Variants in PGM3 observed in about 807,000 individuals in gnomAD.
PGM3 encodes the protein phosphoacetylglucosamine mutase.
A neutral mutation model predicts 66.2 loss-of-function variants in PGM3; 40 were observed. The observed-to-expected ratio is 0.60, with a 90% confidence interval of 0.47 to 0.79. The LOEUF (loss-of-function observed/expected upper bound fraction) is 0.79, where lower values mean the gene tolerates loss of function less well. Among genes scored for constraint, PGM3 ranks in the 30% least tolerant of loss-of-function variants. The pLI, the probability that PGM3 is intolerant of heterozygous loss-of-function variation, is 0.00. For missense variants in PGM3, 537 were observed against 643.4 expected (o/e 0.83, Z 1.79); for synonymous variants, 191 against 224.2 (o/e 0.85, Z 1.32).
intron 10 of PGM3, 95 bp from the exon 11 acceptor site, chr6:83,172,154 G>A: frequency 8.1e-7 from 1 of 1,233,542 alleles, no homozygotes; most frequent in Non-Finnish European, 1.1e-6. Context: ...AGTACAGGTT[G>A]AACAACCTGA....
At chr6:83,152,200 T>C in the PGM3 span, 701 of 752,636 alleles carry the variant, frequency 9.3e-4, 5 homozygotes, top group Non-Finnish European at 9.9e-4. Context: ...TATATACATA[T>C]ATAAAAATAA....
At chr6:83,174,339 G>T (rs1360172649) in intron 10 of PGM3, 35 bp downstream of exon 10, 2 of 1,077,790 alleles carry the variant, frequency 1.9e-6, no homozygotes, top group African/African-American at 3.1e-5. Flanking sequence ...ATAATGTAAA[G>T]GTAACCAAGA....
chr6:83,176,631 A>C (rs112280198), intron 8 of PGM3, among the ~76,000 whole-genome samples: 6,217 of 152,314 alleles, frequency 0.041, 220 homozygotes, highest in African/African-American at 0.084. Context: ...CTGGATCAGC[A>C]ATAGTGAATA....
chr6:83,191,098 A>G, intron 1 of PGM3, 84 bp from the exon 2 acceptor site: 1 of 1,467,824 alleles, frequency 6.8e-7, no homozygotes, highest in African/African-American at 1.4e-5. Flanking sequence ...CCCCAAACGA[A>G]TAGGTCTGTC....
the PGM3 span, chr6:83,152,312 C>A: frequency 9.5e-5 from 150 of 1,573,410 alleles, no homozygotes; most frequent in Non-Finnish European, 1.2e-4. Context: ...GCAATGGAAA[C>A]CGCAAACATA....
At chr6:83,189,934 A>C (rs1232677655) in intron 2 of PGM3, among the ~76,000 whole-genome samples, 1 of 152,246 alleles carries the variant, frequency 6.6e-6, no homozygotes, top group East Asian at 1.9e-4. Flanking sequence ...TATGTAAAAA[A>C]GTGAAACTCA....
At chr6:83,149,104 T>C in the PGM3 span, among the ~76,000 whole-genome samples, 1 of 151,964 alleles carries the variant, frequency 6.6e-6, no homozygotes, top group East Asian at 1.9e-4. Flanking sequence ...AACATAAAAC[T>C]GTTACAACAG....
At chr6:83,169,405 T>C (rs1786588523) in intron 12 of PGM3, 82 bp from the exon 13 acceptor site, 3 of 1,520,280 alleles carry the variant, frequency 2.0e-6, no homozygotes, top group Admixed American at 1.9e-5. Context: ...CTTGGAACTC[T>C]GGGGAAGAGA....
intron 9 of PGM3, among the ~76,000 whole-genome samples, chr6:83,175,074 A>G (rs569687430): frequency 1.3e-5 from 2 of 152,342 alleles, no homozygotes; most frequent in South Asian, 2.1e-4. Flanking sequence ...GAGCAAGATT[A>G]GCATACTATG....
intron 1 of PGM3, among the ~76,000 whole-genome samples, chr6:83,192,593 G>A (rs1400881867): frequency 6.6e-6 from 1 of 151,994 alleles, no homozygotes; most frequent in Non-Finnish European, 1.5e-5. Context: ...ACAGTGATCA[G>A]ATCTCTTTCC....
In PGM3 at chr6:83,169,179, C is replaced by T; in HGVS notation, c.*55G>A. 1 of 1,603,856 alleles carries T rather than the reference C, an allele frequency of 6.2e-7. No homozygotes were observed. The highest frequency in any genetic ancestry group is 8.5e-7 in the Non-Finnish European group (1 of 1,174,288). On this transcript the variant is annotated 3_prime_UTR_variant, in exon 13 of 13. Transcript: ENST00000513973. ...CTCTTAGTACTGCCATTATTATTGACAGTTTTGTAAAGACTTGTAAAAAGT... is the reference window on the plus strand; with the variant it reads ...CTCTTAGTACTGCCATTATTATTGATAGTTTTGTAAAGACTTGTAAAAAGT...
At chr6:83,192,828 A>G (rs966336574) in intron 1 of PGM3, among the ~76,000 whole-genome samples, 9 of 152,022 alleles carry the variant, frequency 5.9e-5, no homozygotes, top group African/African-American at 1.9e-4. Context: ...TCCACGCAAA[A>G]AGTTAAGAGT....
chr6:83,162,875 C>A, downstream of PGM3: 3 of 1,613,288 alleles, frequency 1.9e-6, no homozygotes, highest in Non-Finnish European at 2.5e-6. Flanking sequence ...AGAATTTAAA[C>A]CTTACGTGGT....
At chr6:83,153,665 G>T in the PGM3 span, 1 of 1,451,300 alleles carries the variant, frequency 6.9e-7, no homozygotes. Context: ...TTCATAGCCT[G>T]TTAGAAACAA....
intron 10 of PGM3, 29 bp from the exon 11 acceptor site, chr6:83,172,088 C>T (rs1427898058): frequency 6.2e-7 from 1 of 1,611,372 alleles, no homozygotes. Flanking sequence ...ATGGAAGAAA[C>T]CACTTAACAC....
Position 83,168,064 on chromosome 6 carries a change from A to C in PGM3, c.*1170T>G. 1 of 1,614,230 alleles carries C rather than the reference A, an allele frequency of 6.2e-7. No homozygotes were observed. Among genetic ancestry groups the C allele is most frequent in the South Asian group, 1.1e-5 (1 of 91,092 alleles). ...CTCTACTCAAATGCCTTCCCTAATA[A>C]GGACATGAAACTGGAGAACCACAAA... On this transcript the variant is annotated 3_prime_UTR_variant, in exon 13 of 13. Coordinates refer to ENST00000513973, the MANE Select transcript of PGM3 (RefSeq NM_015599.3).
Position 83,182,940 on chromosome 6 carries a change from C to T in PGM3, c.496G>A (p.Val166Met). The stretch of plus-strand genomic sequence containing the variant: ...CGGCCACCCGTGTTTCGACAATACA[C>T]CATGTAGTGCAGCTGGGGTGTTGTT... Reference protein sequence around the residue: ...LLTTPQLHYMVYCRNTGGRYG... With the variant: ...LLTTPQLHYMMYCRNTGGRYG... The change falls in exon 5 of 13, where the codon GTG becomes ATG. Residue 166 changes from valine to methionine, a missense_variant. By Grantham distance (21) the Val-to-Met change is conservative. Coordinates refer to ENST00000513973, the MANE Select transcript of PGM3 (RefSeq NM_015599.3). 6.2e-7 allele frequency: 1 copy of T among 1,613,950 alleles called. No individual in the cohort carries two copies. The highest frequency in any genetic ancestry group is 2.2e-5 in the East Asian group (1 of 44,870).
chr6:83,188,748 T>C lies in PGM3; in HGVS notation c.255A>G (p.Pro85=). ...AACAGGTGGCATGTTCCTCCCAGGA[T>C]GGTGCCAACATTTCACCCAAAGGAT... The part of the protein sequence containing the change: ...LVDPLGEMLA[P]SWEEHATCLA... The change falls in exon 3 of 13, where the codon CCA becomes CCG. Residue 85 remains proline, a synonymous_variant. Transcript: ENST00000513973. 1 of 1,614,138 alleles carries C rather than the reference T, an allele frequency of 6.2e-7. No individual in the cohort carries two copies. Among genetic ancestry groups the C allele is most frequent in the Non-Finnish European group, 8.5e-7 (1 of 1,180,002 alleles).
At position 83,181,812 on chromosome 6, in the gene PGM3, A is replaced by C. The variant is rs770348496; in HGVS notation, c.711T>G (p.Phe237Leu). ...TGAGTTTGCCCTTGGACCCATCATTAAACAGCTGAACTGACAGGCCCTGTG... is the reference window on the plus strand; with the variant it reads ...TGAGTTTGCCCTTGGACCCATCATTCAACAGCTGAACTGACAGGCCCTGTG... ...YFSQGLSVQL[F>L]NDGSKGKLNH... The change falls in exon 6 of 13, where the codon TTT (phenylalanine) becomes TTG (leucine). Residue 237 changes from phenylalanine to leucine, a missense_variant. Coordinates refer to ENST00000513973, the MANE Select transcript of PGM3 (RefSeq NM_015599.3). 1.9e-6 allele frequency: 3 copies of C among 1,614,052 alleles called. No individual in the cohort carries two copies. Among genetic ancestry groups the C allele is most frequent in the South Asian group, 2.2e-5 (2 of 91,082 alleles).
Sources: gnomAD v4.1 joint callset for allele counts (sites outside exome capture counted in the v4.1 genomes callset) on GRCh38, gnomAD v4.1.1 for gene constraint, MANE v1.5 for transcripts, NCBI Gene and HGNC (gene_info 2026-07-23, HGNC 2026-07-21) for gene names.